Variants in PYGM observed in about 807,000 individuals in gnomAD.
PYGM encodes the protein glycogen phosphorylase, muscle associated, also known as glycogen phosphorylase, muscle form.
A neutral mutation model predicts 99.3 loss-of-function variants in PYGM; 81 were observed. The observed-to-expected ratio is 0.82, with a 90% CI of 0.68 to 0.98. The LOEUF (loss-of-function observed/expected upper bound fraction) is 0.98, where lower values mean the gene tolerates loss of function less well. Ranked by LOEUF, PYGM falls within the 50% of genes least tolerant of loss-of-function variation. PYGM has a pLI of 0.00. For missense variants in PYGM, 1,030 were observed against 1,158.1 expected (o/e 0.89, Z 1.61); for synonymous variants, 436 against 451.5 (o/e 0.97, Z 0.44).
intron 16 of PYGM, among the ~76,000 whole-genome samples, chr11:64,750,820 A>G (rs2058350809): frequency 6.6e-6 from 1 of 152,196 alleles, no homozygotes; most frequent in African/African-American, 2.4e-5. Flanking sequence ...GCAGATTTGA[A>G]GGTAATTTCA....
Position 64,754,423 on chromosome 11 carries a change from C to G in PYGM, c.1000-78G>C, listed in dbSNP as rs1565536032. On this transcript the variant is annotated intron_variant, in intron 8 of 19. Transcript: ENST00000164139. The surrounding 1 kb of genome is among the most constrained non-coding windows in gnomAD (Gnocchi z 5.5). ...GTCACTGCCCTATGCCATTTGGAGG[C>G]CCCCAGAGAGCCCAGCACGGTTCTG... The G allele has an allele frequency of 1.5e-6, 2 of 1,323,942 alleles. No individual in the cohort carries two copies. The highest frequency in any genetic ancestry group is 2.2e-6 in the Non-Finnish European group (2 of 926,604). The allele number at this position is 1,323,942 out of a possible 1,614,324, so 82.0% of individuals were successfully genotyped here. A position where few individuals can be genotyped will look rare whatever the true frequency, so the allele number is the denominator to read the frequency against.
At position 64,759,646 on chromosome 11, in the gene PYGM, C is replaced by T. The variant is rs1411144085; in HGVS notation, c.243+10G>A. The T allele has an allele frequency of 1.2e-6, 2 of 1,613,252 alleles. No individual in the cohort carries two copies. The highest frequency in any genetic ancestry group is 1.7e-6 in the Non-Finnish European group (2 of 1,179,822). On this transcript the variant is annotated intron_variant, in intron 1 of 19. Coordinates refer to ENST00000164139, the MANE Select transcript of PYGM (RefSeq NM_005609.4). The stretch of plus-strand genomic sequence containing the variant: ...AGCCCATACCCCCACCCCAGGCTCC[C>T]CAGCAGCACCTTGGGGTCCTTCTCA...
chr11:64,754,741 G>A lies in PYGM; in HGVS notation c.951C>T (p.Phe317=), dbSNP rs71581789. 5.5e-5 allele frequency: 89 copies of A among 1,613,794 alleles called. 1 individual carries two copies. In the Middle Eastern group the frequency reaches 8.4e-4, roughly 15 times the overall value. Residue 317 remains phenylalanine, a synonymous_variant, in exon 8 of 20, where the codon TTC becomes TTT. Transcript: ENST00000164139. The surrounding 1 kb of genome is among the most constrained non-coding windows in gnomAD (Gnocchi z 5.5). ...TCGTGCGCACGGGATCACGGCAGCC[G>A]AACTTGGAAGACTTGAAGCGACGGA... is the stretch of plus-strand genomic sequence containing the variant. The part of the protein sequence containing the change: ...DIIRRFKSSK[F]GCRDPVRTNF...
In PYGM at chr11:64,753,165, C is replaced by T; in HGVS notation, c.1426G>A (p.Glu476Lys). 1 of 1,612,978 alleles carries T rather than the reference C, an allele frequency of 6.2e-7. No individual in the cohort carries two copies. The highest frequency in any genetic ancestry group is 8.5e-7 in the Non-Finnish European group (1 of 1,179,026). ...KTIFKDFYEL[E>K]PHKFQNKTNG... is the part of the protein sequence containing the mutation. Reference sequence around the variant, plus strand: ...GTCTTATTCTGGAACTTATGAGGCTCCAGCTCATAGAAGTCTTTGAAGCTG... The same window carrying T: ...GTCTTATTCTGGAACTTATGAGGCTTCAGCTCATAGAAGTCTTTGAAGCTG... The change falls in exon 12 of 20, where the codon GAG becomes AAG. Residue 476 changes from glutamate (E) to lysine (K), a missense_variant. Physicochemically the swap from Glu to Lys is moderately conservative, Grantham distance 56 (BLOSUM62 1). Coordinates refer to ENST00000164139, the MANE Select transcript of PYGM (RefSeq NM_005609.4).
At position 64,746,728 on chromosome 11, in the gene PYGM, C is replaced by G. The variant is rs537438002; in HGVS notation, c.2460G>C (p.Gln820His). 7.4e-6 allele frequency: 12 copies of G among 1,614,100 alleles called. No homozygotes were observed. Among genetic ancestry groups the G allele is most frequent in the Non-Finnish European group, 1.0e-5 (12 of 1,180,052 alleles). The change falls in exon 20 of 20, where the codon CAG (glutamine) becomes CAC (histidine). Residue 820 changes from glutamine to histidine, a missense_variant. Coordinates refer to ENST00000164139, the MANE Select transcript of PYGM (RefSeq NM_005609.4). ...CCACACCCCAGATCTCCCGGGCATACTGGGCAATGGTGCGGTCACTGGAGA... is the reference window on the plus strand; with the variant it reads ...CCACACCCCAGATCTCCCGGGCATAGTGGGCAATGGTGCGGTCACTGGAGA... The part of the protein sequence containing the change: ...GKFSSDRTIA[Q>H]YAREIWGVEP...
intron 10 of PYGM, 50 bp downstream of exon 10, chr11:64,753,829 C>T: frequency 6.5e-7 from 1 of 1,549,346 alleles, no homozygotes. Flanking sequence ...CAGGCCCAGA[C>T]TGGGTGTCCC....
In PYGM at chr11:64,752,402, C is replaced by T. The variant is rs1256894448; in HGVS notation, c.1620+1G>A. 6.2e-7 allele frequency: 1 copy of T among 1,613,628 alleles called. No individual in the cohort carries two copies. On this transcript the variant is annotated splice_donor_variant, in intron 13 of 19. Coordinates refer to ENST00000164139, the MANE Select transcript of PYGM (RefSeq NM_005609.4). LOFTEE classifies it high-confidence loss of function. ...CTGTCCCACATTGCATCTCTCCCCA[C>T]CTGCTTCACTTTGGCCACATCCCGA...
At chr11:64,747,719 G>A (rs1203370373) in intron 17 of PYGM, 1 of 351,482 alleles carries the variant, frequency 2.8e-6, no homozygotes, top group African/African-American at 2.1e-5. Flanking sequence ...CTTGCCCTGG[G>A]GCAGCAAGAG....
At chr11:64,753,453 C>G (rs1007662989) in intron 11 of PYGM, 66 bp downstream of exon 11, 28 of 1,514,980 alleles carry the variant, frequency 1.8e-5, no homozygotes, top group Middle Eastern at 1.7e-4. Context: ...GGCGGGGCTT[C>G]TGTGTGACAG....
At chr11:64,751,057 A>C in intron 16 of PYGM, 4 of 415,208 alleles carry the variant, frequency 9.6e-6, no homozygotes, top group East Asian at 5.6e-5. Context: ...ACGCCCAGCT[A>C]ATTTTTGTAT....
rs1217202075 is a variant in PYGM at position 64,752,485 on chromosome 11, A to T, written c.1538T>A (p.Ile513Asn). 6.2e-7 allele frequency: 1 copy of T among 1,614,168 alleles called. No homozygotes were observed. Reference sequence around the variant, plus strand: ...TTTGCGCAGCTGGTCCAGGTCAGAGATGAAGTCCTCCCCGATGCGCTATGG... The same window carrying T: ...TTTGCGCAGCTGGTCCAGGTCAGAGTTGAAGTCCTCCCCGATGCGCTATGG... ...VIAERIGEDF[I>N]SDLDQLRKLL... Residue 513 changes from isoleucine to asparagine, a missense_variant, in exon 13 of 20, where the codon ATC becomes AAC. Coordinates refer to ENST00000164139, the MANE Select transcript of PYGM (RefSeq NM_005609.4).
Position 64,755,582 on chromosome 11 carries a change from A to G in PYGM, c.661-24T>C. 6.3e-7 allele frequency: 1 copy of G among 1,591,330 alleles called. No individual in the cohort carries two copies. Among genetic ancestry groups the G allele is most frequent in the Non-Finnish European group, 8.6e-7 (1 of 1,160,016 alleles). ...ACCTGCGGGGGGCAATCCTGTCAGG[A>G]GCTGGCCAGCCCTGGCAATTGCCTC... is the stretch of plus-strand genomic sequence containing the variant. On this transcript the variant is annotated intron_variant, in intron 5 of 19. Transcript: ENST00000164139. This position sits in a 1 kb window ranked among gnomAD's most constrained non-coding sequence, Gnocchi z 4.1.
chr11:64,755,300 G>GTC lies in PYGM; in HGVS notation c.827_828insGA (p.Ile276MetfsTer20). On this transcript the variant is annotated frameshift_variant, in exon 7 of 20. Coordinates refer to ENST00000164139, the MANE Select transcript of PYGM (RefSeq NM_005609.4). LOFTEE classifies it high-confidence loss of function. The surrounding 1 kb of genome is among the most constrained non-coding windows in gnomAD (Gnocchi z 4.1). Reference sequence around the variant, plus strand: ...TATCATTGGGGTACAGGACACGAGAGATGTTCTCCGCCAGGTTTCGGTCCA... The same window carrying GTC: ...TATCATTGGGGTACAGGACACGAGAGTCATGTTCTCCGCCAGGTTTCGGTCCA... 1 of 1,614,166 alleles carries GTC rather than the reference G, an allele frequency of 6.2e-7. No homozygotes were observed.
chr11:64,758,420 C>T lies in PYGM; in HGVS notation c.424+17G>A, dbSNP rs202244109. The T allele has an allele frequency of 2.5e-4, 410 of 1,613,498 alleles. 3 individuals are homozygous for T. The African/African-American group carries it at 4.5e-3, about 18-fold the overall frequency. On this transcript the variant is annotated intron_variant, in intron 3 of 19. Transcript: ENST00000164139. ...ACCCCATCGGCCCACTCCACCCTCA[C>T]GGCCCTGTCTTCTTACCTGCCAGCC...
rs149658961 is a variant in PYGM, at chr11:64,759,706, C to A, written c.193G>T (p.Val65Leu). ...ALAHTVRDHLVGRWIRTQQHY... is the reference protein window; with the variant it reads ...ALAHTVRDHLLGRWIRTQQHY... ...TGCTGCGTGCGGATCCAGCGCCCCA[C>A]GAGGTGGTCGCGCACGGTATGGGCC... Residue 65 changes from valine (V) to leucine (L), a missense_variant, in exon 1 of 20, where the codon GTG becomes TTG. Physicochemically the swap from Val to Leu is conservative, Grantham distance 32. Coordinates refer to ENST00000164139, the MANE Select transcript of PYGM (RefSeq NM_005609.4). 3 of 1,614,154 alleles carry A rather than the reference C, an allele frequency of 1.9e-6. No individual in the cohort carries two copies. In the Admixed American group the frequency reaches 5.0e-5, roughly 27 times the overall value.
At chr11:64,759,426 C>T (rs985210315) in intron 1 of PYGM, among the ~76,000 whole-genome samples, 1 of 152,188 alleles carries the variant, frequency 6.6e-6, no homozygotes, top group Non-Finnish European at 1.5e-5. Context: ...CAACCTTCTC[C>T]GAGTGGGCAC....
At chr11:64,751,746 A>T in intron 14 of PYGM, 91 bp from the exon 15 acceptor site, 1 of 1,548,778 alleles carries the variant, frequency 6.5e-7, no homozygotes, top group Non-Finnish European at 8.9e-7. Context: ...CGTAGGCCTG[A>T]CTCGAACAAT....
chr11:64,748,267 A>T (rs1308902357), intron 17 of PYGM: 3 of 152,330 alleles, frequency 2.0e-5, no homozygotes, highest in African/African-American at 7.3e-5. Context: ...TGCCCCCTCC[A>T]GCACTGTCTC....
In PYGM at chr11:64,754,661, G is replaced by C; in HGVS notation, c.999+32C>G. 1 of 1,610,808 alleles carries C rather than the reference G, an allele frequency of 6.2e-7. No homozygotes were observed. Among genetic ancestry groups the C allele is most frequent in the Non-Finnish European group, 8.5e-7 (1 of 1,179,088 alleles). On this transcript the variant is annotated intron_variant, in intron 8 of 19. Coordinates refer to ENST00000164139, the MANE Select transcript of PYGM (RefSeq NM_005609.4). This position sits in a 1 kb window ranked among gnomAD's most constrained non-coding sequence, Gnocchi z 5.5. ...GGGAGAGGCCTAGCACACACTGTCC[G>C]GTCACAGAGTCGCCCTCCACACGCA...
Sources: gnomAD v4.1 joint callset for allele counts (sites outside exome capture counted in the v4.1 genomes callset) on GRCh38, gnomAD v4.1.1 for gene constraint, Gnocchi (gnomAD v3.1) non-coding constraint, MANE v1.5 for transcripts, NCBI Gene and HGNC (gene_info 2026-07-23, HGNC 2026-07-21) for gene names.